OR6N1: variants seen among roughly 807,000 people sequenced by gnomAD.
OR6N1 encodes olfactory receptor family 6 subfamily N member 1.
For missense variants in OR6N1, 394 were observed against 371.7 expected (o/e 1.06, Z -0.49); for synonymous variants, 170 against 150.7 (o/e 1.13, Z -0.94).
chr1:158,828,016 C>G, the OR6N1 span, among the ~76,000 whole-genome samples: 2 of 152,176 alleles, frequency 1.3e-5, no homozygotes, highest in Admixed American at 1.3e-4. Context: ...TAAAAACCGT[C>G]AGATCTTGTG....
chr1:158,785,177 A>T, the OR6N1 span, among the ~76,000 whole-genome samples: 7 of 152,266 alleles, frequency 4.6e-5, no homozygotes, highest in African/African-American at 1.7e-4. Flanking sequence ...TCTTTGGAGA[A>T]TTTTTTATGG....
the OR6N1 span, among the ~76,000 whole-genome samples, chr1:158,827,147 T>C: frequency 5.3e-5 from 8 of 152,214 alleles, no homozygotes; most frequent in Non-Finnish European, 1.2e-4. Flanking sequence ...GGGATGCTAG[T>C]TAATTCATTG....
chr1:158,831,090 C>A, the OR6N1 span, among the ~76,000 whole-genome samples: 1 of 152,124 alleles, frequency 6.6e-6, no homozygotes, highest in Non-Finnish European at 1.5e-5. Flanking sequence ...AAGCGGCTAC[C>A]GGTTTCTAAT....
At chr1:158,786,469 A>G in the OR6N1 span, among the ~76,000 whole-genome samples, 1 of 152,240 alleles carries the variant, frequency 6.6e-6, no homozygotes, top group African/African-American at 2.4e-5. Flanking sequence ...TAGAATTACC[A>G]TTCAATCCAG....
At chr1:158,810,890 C>T in the OR6N1 span, among the ~76,000 whole-genome samples, 3 of 150,732 alleles carry the variant, frequency 2.0e-5, no homozygotes, top group South Asian at 4.1e-4. Context: ...GGTACATGTG[C>T]ATGTTTAATA....
chr1:158,766,271 G>T lies in OR6N1; in HGVS notation c.412C>A (p.Pro138Thr), dbSNP rs1213237712. 6.2e-7 allele frequency: 1 copy of T among 1,614,106 alleles called. No individual in the cohort carries two copies. The highest frequency in any genetic ancestry group is 8.5e-7 in the Non-Finnish European group (1 of 1,180,032). ...RPLHYPTLMT[P>T]TLCAEIAIGC... ...ATGGCAATCTCTGCACAAAGTGTTG[G>T]GGTCATGAGGGTTGGGTAGTGGAGG... The change falls in exon 2 of 2, where the codon CCA (proline) becomes ACA (threonine). Residue 138 changes from proline (P) to threonine (T), a missense_variant. Coordinates refer to ENST00000641846, the MANE Select transcript of OR6N1 (RefSeq NM_001005185.2).
chr1:158,818,926 C>T, the OR6N1 span, among the ~76,000 whole-genome samples: 1 of 152,104 alleles, frequency 6.6e-6, no homozygotes, highest in Non-Finnish European at 1.5e-5. Flanking sequence ...TGAGGCAAAT[C>T]CTCCCACAAA....
At chr1:158,832,513 G>T in the OR6N1 span, among the ~76,000 whole-genome samples, 1 of 151,462 alleles carries the variant, frequency 6.6e-6, no homozygotes, top group South Asian at 2.1e-4. Flanking sequence ...CATAGAATAT[G>T]TATATCTAAG....
At chr1:158,770,777 C>T (rs1302143683) in intron 1 of OR6N1, among the ~76,000 whole-genome samples, 1 of 152,318 alleles carries the variant, frequency 6.6e-6, no homozygotes, top group East Asian at 1.9e-4. Context: ...TATCTTCTCA[C>T]TCATAAAGGA....
At chr1:158,786,198 ACT>A in the OR6N1 span, among the ~76,000 whole-genome samples, 2 of 152,024 alleles carry the variant, frequency 1.3e-5, no homozygotes, top group African/African-American at 4.8e-5. Context: ...TGAATAGAAA[ACT>A]CTCAAAAAAG....
the OR6N1 span, among the ~76,000 whole-genome samples, chr1:158,809,893 G>C: frequency 2.0e-5 from 3 of 152,162 alleles, no homozygotes; most frequent in African/African-American, 7.2e-5. Flanking sequence ...CAGATACACT[G>C]TGCTGGGTGA....
chr1:158,809,854 C>T, the OR6N1 span, among the ~76,000 whole-genome samples: 1 of 152,168 alleles, frequency 6.6e-6, no homozygotes, highest in South Asian at 2.1e-4. Flanking sequence ...ATATCCTAGG[C>T]CCGTGGTGCC....
the OR6N1 span, among the ~76,000 whole-genome samples, chr1:158,788,497 G>A: frequency 2.6e-5 from 4 of 151,894 alleles, no homozygotes; most frequent in African/African-American, 9.7e-5. Context: ...ATATTAGATA[G>A]TATATCCTGT....
At chr1:158,808,666 C>G in the OR6N1 span, 1 of 152,808 alleles carries the variant, frequency 6.5e-6, no homozygotes, top group Non-Finnish European at 1.5e-5. Context: ...GTAGCTTCAG[C>G]ACAGCATTCA....
chr1:158,780,055 C>T, the OR6N1 span, among the ~76,000 whole-genome samples: 1 of 152,162 alleles, frequency 6.6e-6, no homozygotes, highest in East Asian at 1.9e-4. Flanking sequence ...TGCACCTGAA[C>T]ACATCCCTTT....
chr1:158,779,333 T>A, the OR6N1 span, among the ~76,000 whole-genome samples: 2 of 152,194 alleles, frequency 1.3e-5, no homozygotes, highest in Non-Finnish European at 2.9e-5. Flanking sequence ...CTAGTTATCA[T>A]ACTGACAAAC....
the OR6N1 span, among the ~76,000 whole-genome samples, chr1:158,809,966 A>G: frequency 2.0e-5 from 3 of 152,174 alleles, no homozygotes; most frequent in South Asian, 4.1e-4. Flanking sequence ...GAAGTCAAGA[A>G]GAAGCAAAGA....
chr1:158,777,389 A>T, the OR6N1 span: 1 of 1,614,172 alleles, frequency 6.2e-7, no homozygotes, highest in South Asian at 1.1e-5. Context: ...AGAATATTAG[A>T]CAACATCTTA....
At position 158,765,057 on chromosome 1, in the gene OR6N1, A is replaced by G. The variant is rs1652289; in HGVS notation, c.*687T>C. On this transcript the variant is annotated 3_prime_UTR_variant, in exon 2 of 2. Transcript: ENST00000641846. ...CAGAGTAATGATGTGAAGTCTTCGC[A>G]GAATAAAATAAATAAAAACAAGTCC... 0.44 allele frequency: 66,154 copies of G among 151,754 alleles called. 15,022 individuals carry two copies. Among genetic ancestry groups the G allele is most frequent in the East Asian group, 0.6 (3,095 of 5,146 alleles). 9.4% of individuals were successfully genotyped at this position (151,754 alleles called of 1,614,324 possible). A position where few individuals can be genotyped will look rare whatever the true frequency, so the allele number is the denominator to read the frequency against.
Sources: gnomAD v4.1 joint callset for allele counts (sites outside exome capture counted in the v4.1 genomes callset) on GRCh38, gnomAD v4.1.1 for gene constraint, MANE v1.5 for transcripts, NCBI Gene and HGNC (gene_info 2026-07-23, HGNC 2026-07-21) for gene names.